Variants in HUWE1 observed in about 807,000 individuals in gnomAD.
HUWE1 encodes HECT, UBA and WWE domain containing E3 ubiquitin protein ligase 1.
A neutral mutation model predicts 299.4 loss-of-function variants in HUWE1; 18 were observed. The observed-to-expected ratio is 0.06, with a 90% CI of 0.04 to 0.09. The LOEUF is 0.09. Among genes scored for constraint, HUWE1 ranks in the 10% least tolerant of loss-of-function variants. HUWE1 has a pLI of 1.00. For synonymous variants in HUWE1, 1,317 were observed against 1,286.1 expected, an observed-to-expected ratio of 1.02 and a Z score of -0.51; for missense variants, 1,832 against 3,462.3, an observed-to-expected ratio of 0.53 and a Z score of 11.82.
chrX:53,642,034 C>T (rs2067627810), intron 7 of HUWE1, among the ~76,000 whole-genome samples: 1 of 111,318 alleles, frequency 9.0e-6, no homozygotes, highest in Admixed American at 9.6e-5. Context: ...CATTTTTTCC[C>T]TATACATACA....
chrX:53,579,091 C>T (rs1202421072), intron 43 of HUWE1, among the ~76,000 whole-genome samples: 1 of 83,801 alleles, frequency 1.2e-5, no homozygotes, highest in South Asian at 6.9e-4. Flanking sequence ...GCCCTCCGCC[C>T]GGCCAGCCGC....
At chrX:53,658,149 T>TA (rs1250975131) in intron 3 of HUWE1, among the ~76,000 whole-genome samples, 3 of 110,100 alleles carry the variant, frequency 2.7e-5, no homozygotes, top group East Asian at 2.8e-4. Context: ...CTGAAAAACT[T>TA]AGATATAAAT....
chrX:53,612,088 T>C (rs782502387), intron 23 of HUWE1, among the ~76,000 whole-genome samples: 6 of 111,450 alleles, frequency 5.4e-5, no homozygotes, highest in Non-Finnish European at 7.5e-5. Context: ...CCTATAACAA[T>C]TGCCTGGGAT....
Position 53,569,831 on chromosome X carries a change from A to C in HUWE1, c.6313-4T>G. The C allele has an allele frequency of 8.3e-7, 1 of 1,199,140 alleles. No individual in the cohort carries two copies. The highest frequency in any genetic ancestry group is 1.1e-6 in the Non-Finnish European group (1 of 883,862). On this transcript the variant is annotated splice_region_variant and splice_polypyrimidine_tract_variant and intron_variant, in intron 47 of 83. Transcript: ENST00000262854. ...CAAAAGCTAGCACACTGCAGTCCTG[A>C]AAAGTCATGAATCACGACATTTACT...
At chrX:53,637,042 C>G (rs2067263547) in intron 7 of HUWE1, among the ~76,000 whole-genome samples, 1 of 112,393 alleles carries the variant, frequency 8.9e-6, no homozygotes, top group African/African-American at 3.2e-5. Flanking sequence ...ATGTTTTTAA[C>G]ATTTCAGCTT....
At position 53,554,885 on chromosome X, in the gene HUWE1, G is replaced by A; in HGVS notation, c.8242C>T (p.Pro2748Ser). 2.5e-6 allele frequency: 3 copies of A among 1,190,221 alleles called. No individual in the cohort carries two copies. The highest frequency in any genetic ancestry group is 3.4e-6 in the Non-Finnish European group (3 of 882,912). Reference protein sequence around the residue: ...TPMPDSYPTTPSSTDAATSES... With the variant: ...TPMPDSYPTTSSSTDAATSES... ...GATGTAGCTGCATCAGTTGAAGATG[G>A]GGTTGTTGGGTAGCTGTCAGGCATA... is the stretch of plus-strand genomic sequence containing the variant. Residue 2748 changes from proline (P) to serine (S), a missense_variant, in exon 61 of 84, where the codon CCA becomes TCA. Physicochemically the swap from Pro to Ser is moderately conservative, Grantham distance 74. Around this residue, in one of 15 missense-constraint regions of HUWE1, gnomAD observed 143 missense variants for 148.1 expected, o/e 0.97. Transcript: ENST00000262854.
rs2069675150 is a variant in HUWE1 at position 53,673,810 on chromosome X, T to G, written c.-25+6239A>C. The stretch of plus-strand genomic sequence containing the variant: ...GGGGGTAGGGACAGGGATTGTTGTA[T>G]TATTCTCTGTACTTCTCAGTATATT... On this transcript the variant is annotated intron_variant, in intron 3 of 83. Coordinates refer to ENST00000262854, the MANE Select transcript of HUWE1 (RefSeq NM_031407.7). 2.7e-5 allele frequency among the ~76,000 whole-genome samples: 3 copies of G among 111,752 alleles called. No homozygotes were observed. The Admixed American group carries it at 2.8e-4, about 11-fold the overall frequency.
At chrX:53,665,151 G>A (rs1274864873) in intron 3 of HUWE1, among the ~76,000 whole-genome samples, 5 of 110,812 alleles carry the variant, frequency 4.5e-5, no homozygotes, top group African/African-American at 1.6e-4. Context: ...ACCTTGCTAC[G>A]CCCCTCTCCT....
rs782314430 is a variant in HUWE1, at chrX:53,648,290, T to C, written c.66A>G (p.Leu22=). 5.9e-6 allele frequency: 7 copies of C among 1,188,553 alleles called. No individual in the cohort carries two copies. Among genetic ancestry groups the C allele is most frequent in the Non-Finnish European group, 6.9e-6 (6 of 874,744 alleles). ...PTEAPADCRA[L]IDKLKVCNDE... ...CATTACAAACTTTGAGTTTGTCTATTAAGGCTCTGCAGTCTGCAGGCTGAG... is the reference window on the plus strand; with the variant it reads ...CATTACAAACTTTGAGTTTGTCTATCAAGGCTCTGCAGTCTGCAGGCTGAG... Residue 22 remains leucine, a synonymous_variant, in exon 5 of 84, where the codon TTA becomes TTG. Coordinates refer to ENST00000262854, the MANE Select transcript of HUWE1 (RefSeq NM_031407.7).
chrX:53,600,329 G>T lies in HUWE1; in HGVS notation c.2972-20C>A, dbSNP rs148049256. ...CCCCATCTACAGATGTATAAGAGGGGAGCAATAGGACAATGTAGAGCCAAC... is the reference window on the plus strand; with the variant it reads ...CCCCATCTACAGATGTATAAGAGGGTAGCAATAGGACAATGTAGAGCCAAC... On this transcript the variant is annotated intron_variant, in intron 28 of 83. Transcript: ENST00000262854. 34 of 1,117,892 alleles carry T rather than the reference G, an allele frequency of 3.0e-5. No individual in the cohort carries two copies. The East Asian group carries it at 9.9e-4, about 32-fold the overall frequency. The allele number at this position is 1,117,892 out of a possible 1,213,427, so 92.1% of individuals were successfully genotyped here.
chrX:53,587,693 C>T (rs1556974565), intron 37 of HUWE1, among the ~76,000 whole-genome samples: 1 of 111,370 alleles, frequency 9.0e-6, no homozygotes. Context: ...AAAGGAAACC[C>T]CCAAGACAGC....
At chrX:53,589,204 T>G (rs1381461510) in intron 36 of HUWE1, among the ~76,000 whole-genome samples, 1 of 112,120 alleles carries the variant, frequency 8.9e-6, no homozygotes, top group Non-Finnish European at 1.9e-5. Flanking sequence ...TCACAAGTAT[T>G]CATCAGGATG....
At chrX:53,666,879 A>G (rs921265112) in intron 3 of HUWE1, among the ~76,000 whole-genome samples, 1 of 112,108 alleles carries the variant, frequency 8.9e-6, no homozygotes, top group Non-Finnish European at 1.9e-5. Flanking sequence ...TAATAAATGA[A>G]TAACTATCCA....
intron 42 of HUWE1, among the ~76,000 whole-genome samples, chrX:53,582,431 G>A (rs782596639): frequency 8.9e-6 from 1 of 112,341 alleles, no homozygotes; most frequent in South Asian, 3.6e-4. Flanking sequence ...ACTGTCTGAA[G>A]AATCTAAAAT....
At chrX:53,578,920 G>A (rs1556963172) in intron 43 of HUWE1, among the ~76,000 whole-genome samples, 4 of 70,790 alleles carry the variant, frequency 5.7e-5, no homozygotes, top group South Asian at 9.0e-4. Context: ...TCAGCCCCCC[G>A]CCTGGCCAGC....
chrX:53,671,573 G>T (rs2069531673), intron 3 of HUWE1, among the ~76,000 whole-genome samples: 1 of 110,917 alleles, frequency 9.0e-6, no homozygotes. Context: ...GGCGGATCAC[G>T]AGGTCAGGAG....
Position 53,547,806 on chromosome X carries a change from CGTGGTGGAGGCGGCA to C in HUWE1, c.10488_10502del (p.Ala3497_Thr3501del). 8.3e-7 allele frequency: 1 copy of C among 1,198,090 alleles called. No homozygotes were observed. Among genetic ancestry groups the C allele is most frequent in the Non-Finnish European group, 1.1e-6 (1 of 888,231 alleles). ...GGGTGGGTGCAGTAGGGGGTGTGGGCGTGGTGGAGGCGGCAGTGGTGGTGGTGGTAGATGTGGTTG... is the reference window on the plus strand; with the variant it reads ...GGGTGGGTGCAGTAGGGGGTGTGGGCGTGGTGGTGGTGGTAGATGTGGTTG... On this transcript the variant is annotated inframe_deletion, in exon 68 of 84. Transcript: ENST00000262854.
chrX:53,685,953 A>T (rs2149715072), intron 2 of HUWE1, among the ~76,000 whole-genome samples: 1 of 112,343 alleles, frequency 8.9e-6, no homozygotes, highest in South Asian at 3.6e-4. Context: ...ATGGTTAAAT[A>T]AACTGTAGTA....
Position 53,627,491 on chromosome X carries a change from C to T in HUWE1, c.1408G>A (p.Glu470Lys). Residue 470 changes from glutamate (E) to lysine (K), a missense_variant, in exon 17 of 84, where the codon GAA becomes AAA. Around this residue, in one of 15 missense-constraint regions of HUWE1, gnomAD observed 658 missense variants for 1,282.6 expected, o/e 0.51. Coordinates refer to ENST00000262854, the MANE Select transcript of HUWE1 (RefSeq NM_031407.7). ...TTTGGCTTGATCACAAACGGACATT[C>T]TTTTCGGCACAAATCTACTTCATGC... ...LEHEVDLCRKECPFVIKPKIQ... is the reference protein window; with the variant it reads ...LEHEVDLCRKKCPFVIKPKIQ... The T allele has an allele frequency of 8.4e-7, 1 of 1,196,537 alleles. No individual in the cohort carries two copies. Among genetic ancestry groups the T allele is most frequent in the Non-Finnish European group, 1.1e-6 (1 of 883,317 alleles).
Sources: allele counts gnomAD v4.1 joint callset (sites outside exome capture counted in the v4.1 genomes callset), GRCh38; gene constraint gnomAD v4.1.1; regional missense constraint gnomAD v4.1.1; transcripts MANE v1.5; gene names NCBI Gene and HGNC (gene_info 2026-07-23, HGNC 2026-07-21).